The following LRRC72 variants were observed in gnomAD, a reference collection of about 807,000 sequenced individuals.
The protein encoded by LRRC72 is leucine-rich repeat-containing protein 72.
In LRRC72, 41 loss-of-function variants were observed where a neutral mutation model predicts 35.8. The observed-to-expected ratio is 1.15, with a 90% CI of 0.89 to 1.49. The LOEUF is 1.49. LRRC72 is among the 40% of genes most tolerant of loss of function. The pLI is 0.00. For synonymous variants in LRRC72, 118 were observed against 119.2 expected (o/e 0.99, Z 0.07); for missense variants, 389 against 330.7 (o/e 1.18, Z -1.37).
intron 3 of LRRC72, 47 bp downstream of exon 3, chr7:16,537,743 T>C: frequency 9.1e-7 from 1 of 1,098,638 alleles, no homozygotes; most frequent in Non-Finnish European, 1.3e-6. Context: ...AACTACTATC[T>C]TAATTTTGTA....
Position 16,527,053 on chromosome 7 carries a change from C to G in LRRC72, c.90+11C>G. On this transcript the variant is annotated intron_variant, in intron 1 of 8. Transcript: ENST00000401542. ...CAGAGCAGTCGCCGGGTAAGCGGCA[C>G]CTGCCTTCCCAAGCCATCAGCCCCT... 2 of 1,536,450 alleles carry G rather than the reference C, an allele frequency of 1.3e-6. No individual in the cohort carries two copies. Among genetic ancestry groups the G allele is most frequent in the Non-Finnish European group, 1.7e-6 (2 of 1,146,130 alleles).
intron 7 of LRRC72, among the ~76,000 whole-genome samples, chr7:16,573,303 C>G (rs899679803): frequency 2.0e-5 from 3 of 152,156 alleles, no homozygotes; most frequent in Admixed American, 6.5e-5. Context: ...AAAAAAACTA[C>G]TTTAAATTTC....
At chr7:16,545,869 G>A (rs1013211060) in intron 3 of LRRC72, among the ~76,000 whole-genome samples, 2 of 151,776 alleles carry the variant, frequency 1.3e-5, no homozygotes, top group African/African-American at 4.8e-5. Context: ...CCTATTTTTC[G>A]AAACAGCAGG....
chr7:16,536,312 C>A (rs1239568231), intron 2 of LRRC72, among the ~76,000 whole-genome samples: 3 of 151,692 alleles, frequency 2.0e-5, no homozygotes, highest in East Asian at 3.9e-4. Flanking sequence ...AATGTAGGAA[C>A]AACAGGGAAA....
At chr7:16,527,687 A>G (rs1435969732) in intron 1 of LRRC72, among the ~76,000 whole-genome samples, 1 of 152,162 alleles carries the variant, frequency 6.6e-6, no homozygotes, top group Non-Finnish European at 1.5e-5. Context: ...TCTCTGACTC[A>G]TCTGCAAAGA....
intron 3 of LRRC72, among the ~76,000 whole-genome samples, chr7:16,538,806 C>A (rs527940068): frequency 1.3e-5 from 2 of 152,196 alleles, no homozygotes; most frequent in African/African-American, 4.8e-5. Context: ...CCATTGCTCC[C>A]TTTCTTACCT....
chr7:16,538,417 C>T (rs762393598), intron 3 of LRRC72, among the ~76,000 whole-genome samples: 5 of 152,202 alleles, frequency 3.3e-5, no homozygotes, highest in Non-Finnish European at 7.3e-5. Context: ...CCAACACTGA[C>T]TCCTCTTCAC....
chr7:16,581,363 G>T lies in LRRC72; in HGVS notation c.738G>T (p.Arg246Ser). 4 of 1,546,274 alleles carry T rather than the reference G, an allele frequency of 2.6e-6. No homozygotes were observed. The highest frequency in any genetic ancestry group is 3.5e-6 in the Non-Finnish European group (4 of 1,144,888). Residue 246 changes from arginine (R) to serine (S), a missense_variant, in exon 9 of 9, where the codon AGG becomes AGT. By Grantham distance (110) the Arg-to-Ser change is moderately radical. Transcript: ENST00000401542. ...ACCCAGAAGATGCTGTTTTTGTGAG[G>T]TCCATGAAGAGATCAGTGATGACTT... Reference protein sequence around the residue: ...LDDPEDAVFVRSMKRSVMTLT... With the variant: ...LDDPEDAVFVSSMKRSVMTLT...
intron 3 of LRRC72, among the ~76,000 whole-genome samples, chr7:16,543,980 A>T (rs533593425): frequency 6.6e-6 from 1 of 152,356 alleles, no homozygotes; most frequent in African/African-American, 2.4e-5. Context: ...TGGAGCCAAA[A>T]GCATCCTATT....
intron 3 of LRRC72, among the ~76,000 whole-genome samples, chr7:16,551,831 A>T (rs1465794759): frequency 1.3e-5 from 2 of 152,158 alleles, no homozygotes; most frequent in African/African-American, 4.8e-5. Flanking sequence ...AGCAAATTTC[A>T]AGTCCAAGGA....
chr7:16,553,368 C>A (rs477644), intron 3 of LRRC72, among the ~76,000 whole-genome samples: 1 of 151,900 alleles, frequency 6.6e-6, no homozygotes, highest in Non-Finnish European at 1.5e-5. Flanking sequence ...CTCTGGATCT[C>A]GAGAAAGTTG....
intron 7 of LRRC72, among the ~76,000 whole-genome samples, chr7:16,567,925 TGAA>T (rs1254578087): frequency 3.9e-5 from 6 of 152,056 alleles, no homozygotes; most frequent in Non-Finnish European, 8.8e-5. Context: ...AGAAAAAACA[TGAA>T]GAAGAAATAA....
In LRRC72 at chr7:16,568,987, T is replaced by G. The variant is rs116643638; in HGVS notation, c.670+1444T>G. On this transcript the variant is annotated intron_variant, in intron 7 of 8. Coordinates refer to ENST00000401542, the MANE Select transcript of LRRC72 (RefSeq NM_001195280.2). The stretch of plus-strand genomic sequence containing the variant: ...GAAGAATGAGGACAAAATTAAGACT[T>G]CCCTGAACTTTTTATTGTGAAAATT... Among the ~76,000 whole-genome samples, 617 of 152,282 alleles carry G rather than the reference T, an allele frequency of 4.1e-3. 5 individuals carry two copies. Among genetic ancestry groups the G allele is most frequent in the African/African-American group, 0.014 (595 of 41,554 alleles).
At chr7:16,533,927 G>A (rs1782210023) in intron 2 of LRRC72, among the ~76,000 whole-genome samples, 1 of 151,944 alleles carries the variant, frequency 6.6e-6, no homozygotes, top group Non-Finnish European at 1.5e-5. Flanking sequence ...TTTGACAATT[G>A]TATACTATTG....
At chr7:16,557,179 A>C (rs1453834320) in intron 3 of LRRC72, among the ~76,000 whole-genome samples, 181 bp from the exon 4 acceptor site, 6 of 152,218 alleles carry the variant, frequency 3.9e-5, no homozygotes, top group Non-Finnish European at 5.9e-5. Flanking sequence ...TTCTCCTCAA[A>C]GACAATCCAA....
intron 5 of LRRC72, among the ~76,000 whole-genome samples, chr7:16,565,222 C>T (rs1782807978): frequency 6.6e-6 from 1 of 152,172 alleles, no homozygotes; most frequent in Admixed American, 6.5e-5. Flanking sequence ...ATCACGAGGT[C>T]AGCAGTTCGA....
intron 1 of LRRC72, 43 bp downstream of exon 1, chr7:16,527,085 C>T: frequency 2.0e-6 from 3 of 1,497,732 alleles, no homozygotes; most frequent in Non-Finnish European, 2.7e-6. Context: ...CCCTTTGGCC[C>T]CCTGCCCCAG....
chr7:16,550,371 C>A (rs1782528431), intron 3 of LRRC72, among the ~76,000 whole-genome samples: 1 of 152,114 alleles, frequency 6.6e-6, no homozygotes, highest in African/African-American at 2.4e-5. Context: ...CTGACTGCTT[C>A]CAGGGTTGTC....
intron 3 of LRRC72, among the ~76,000 whole-genome samples, chr7:16,553,933 G>A (rs1782600490): frequency 1.3e-5 from 2 of 152,290 alleles, no homozygotes; most frequent in South Asian, 4.1e-4. Context: ...TATGCTCCAA[G>A]CCTAAGCTAA....
Sources: allele counts gnomAD v4.1 joint callset (sites outside exome capture counted in the v4.1 genomes callset), GRCh38; gene constraint gnomAD v4.1.1; transcripts MANE v1.5; gene names NCBI Gene and HGNC (gene_info 2026-07-23, HGNC 2026-07-21).